Variants in MTREX observed in about 807,000 individuals in gnomAD.
The protein encoded by MTREX is exosome RNA helicase MTR4.
In MTREX, 76 loss-of-function variants were observed where a neutral mutation model predicts 135.4. The observed-to-expected ratio is 0.56, with a 90% CI of 0.47 to 0.68. The LOEUF (loss-of-function observed/expected upper bound fraction) is 0.68, where lower values mean the gene tolerates loss of function less well. Ranked by LOEUF, MTREX falls within the 30% of genes least tolerant of loss-of-function variation. The probability of loss-of-function intolerance (pLI) is 0.00; values close to 1 mark genes in which losing one functional copy is unlikely to be tolerated. For synonymous variants in MTREX, 404 were observed against 401.6 expected, an observed-to-expected ratio of 1.01 and a Z score of -0.07; for missense variants, 920 against 1,262.1, an observed-to-expected ratio of 0.73 and a Z score of 4.11.
At chr5:55,389,893 A>G (rs575301575) in intron 19 of MTREX, among the ~76,000 whole-genome samples, 1 of 152,226 alleles carries the variant, frequency 6.6e-6, no homozygotes, top group South Asian at 2.1e-4. Flanking sequence ...TTGAATAGAA[A>G]TCCTAGACAG....
At chr5:55,337,947 C>G (rs151164981) in intron 5 of MTREX, among the ~76,000 whole-genome samples, 9 of 152,128 alleles carry the variant, frequency 5.9e-5, no homozygotes, top group African/African-American at 1.2e-4. Context: ...TTAACTAAAT[C>G]ACAGTCACAA....
At chr5:55,370,443 T>TA (rs1750177460) in intron 16 of MTREX, among the ~76,000 whole-genome samples, 1 of 152,362 alleles carries the variant, frequency 6.6e-6, no homozygotes, top group Non-Finnish European at 1.5e-5. Flanking sequence ...GGTTCTGACT[T>TA]ACCTTTTAAA....
intron 16 of MTREX, among the ~76,000 whole-genome samples, chr5:55,369,311 T>A (rs1487689792): frequency 6.6e-6 from 1 of 152,118 alleles, no homozygotes; most frequent in Non-Finnish European, 1.5e-5. Context: ...AAAAGGAAAT[T>A]AAAGTATTCC....
At chr5:55,356,609 A>G (rs951213544) in intron 14 of MTREX, 5 of 181,130 alleles carry the variant, frequency 2.8e-5, no homozygotes, top group South Asian at 1.2e-4. Flanking sequence ...GGTTGGACAT[A>G]CTGGGTAGCC....
chr5:55,311,428 A>G (rs1300823217), intron 1 of MTREX, among the ~76,000 whole-genome samples: 2 of 152,150 alleles, frequency 1.3e-5, no homozygotes, highest in Non-Finnish European at 2.9e-5. Context: ...TCCCTTAAGT[A>G]TTTTATGCTA....
chr5:55,374,207 A>G (rs963136836), intron 16 of MTREX, among the ~76,000 whole-genome samples: 1 of 151,766 alleles, frequency 6.6e-6, no homozygotes, highest in Non-Finnish European at 1.5e-5. Flanking sequence ...CAGTGAGCCA[A>G]GATTGTGCCA....
At chr5:55,385,370 G>A (rs537822926) in intron 18 of MTREX, among the ~76,000 whole-genome samples, 3 of 152,296 alleles carry the variant, frequency 2.0e-5, no homozygotes, top group East Asian at 1.9e-4. Context: ...CTAGGTGAAC[G>A]AAGGGGAGCC....
At chr5:55,326,682 A>G (rs2112037411) in intron 3 of MTREX, among the ~76,000 whole-genome samples, 1 of 152,200 alleles carries the variant, frequency 6.6e-6, no homozygotes, top group African/African-American at 2.4e-5. Context: ...TCCTATCTCC[A>G]CAAAGACTTT....
intron 1 of MTREX, among the ~76,000 whole-genome samples, chr5:55,316,633 C>A (rs1749202659): frequency 6.6e-6 from 1 of 152,128 alleles, no homozygotes; most frequent in Non-Finnish European, 1.5e-5. Context: ...AGGAACACAC[C>A]TCAATATAAT....
At chr5:55,366,587 G>T (rs765824670) in intron 15 of MTREX, 138 bp from the exon 16 acceptor site, 5 of 553,652 alleles carry the variant, frequency 9.0e-6, no homozygotes, top group East Asian at 6.9e-5. Flanking sequence ...ATTTTATATT[G>T]GTTAACTAAA....
chr5:55,391,763 A>G (rs1051018125), intron 19 of MTREX, among the ~76,000 whole-genome samples: 1 of 152,090 alleles, frequency 6.6e-6, no homozygotes, highest in Non-Finnish European at 1.5e-5. Context: ...CTTTAAATCC[A>G]CCTATAACCT....
chr5:55,314,946 T>C (rs1309286148), intron 1 of MTREX, among the ~76,000 whole-genome samples: 1 of 152,218 alleles, frequency 6.6e-6, no homozygotes, highest in Non-Finnish European at 1.5e-5. Context: ...GAGGCAGAGC[T>C]CAGGTGATAA....
intron 1 of MTREX, among the ~76,000 whole-genome samples, chr5:55,311,194 A>G (rs1210450230): frequency 3.9e-5 from 6 of 152,224 alleles, no homozygotes; most frequent in Admixed American, 3.3e-4. Context: ...ATATCAAGTC[A>G]TGATCAGTCT....
intron 15 of MTREX, among the ~76,000 whole-genome samples, chr5:55,363,416 A>G (rs1204409962): frequency 6.6e-6 from 1 of 152,148 alleles, no homozygotes; most frequent in Admixed American, 6.5e-5. Flanking sequence ...GGCTCTCTCA[A>G]TCTTAGTATC....
At chr5:55,352,489 G>A (rs1276208431) in intron 13 of MTREX, among the ~76,000 whole-genome samples, 3 of 152,008 alleles carry the variant, frequency 2.0e-5, no homozygotes, top group Admixed American at 2.0e-4. Flanking sequence ...TCACTTGCCA[G>A]AAATATCTAC....
At chr5:55,372,499 A>G (rs763516123) in intron 16 of MTREX, among the ~76,000 whole-genome samples, 5 of 151,530 alleles carry the variant, frequency 3.3e-5, no homozygotes, top group African/African-American at 4.9e-5. Context: ...ATCAGTCCCT[A>G]GGAAAGCTTT....
chr5:55,400,252 C>T lies in MTREX; in HGVS notation c.2312C>T (p.Pro771Leu). The stretch of plus-strand genomic sequence containing the variant: ...TTTCAGGAAGTTCAGAAACGTTTTC[C>T]TGACGGCATCCCCTTATTAGACCCT... ...KSIQEVQKRF[P>L]DGIPLLDPID... The change falls in exon 21 of 27, where the codon CCT becomes CTT. Residue 771 changes from proline (P) to leucine (L), a missense_variant. By Grantham distance (98) the Pro-to-Leu change is moderately conservative. Coordinates refer to ENST00000230640, the MANE Select transcript of MTREX (RefSeq NM_015360.5). 1.3e-6 allele frequency: 2 copies of T among 1,562,928 alleles called. No homozygotes were observed. Among genetic ancestry groups the T allele is most frequent in the East Asian group, 2.3e-5 (1 of 44,206 alleles).
chr5:55,355,696 C>T (rs1749900773), intron 14 of MTREX, among the ~76,000 whole-genome samples: 2 of 152,116 alleles, frequency 1.3e-5, no homozygotes. Flanking sequence ...GTGGGGGCAC[C>T]ATGGAGAAAG....
Position 55,388,022 on chromosome 5 carries a change from C to T in MTREX, c.2101C>T (p.Arg701Cys), listed in dbSNP as rs138571526. 138 of 1,607,626 alleles carry T rather than the reference C, an allele frequency of 8.6e-5. No individual in the cohort carries two copies. The African/African-American group carries it at 1.1e-3, about 13-fold the overall frequency. ...DPLYVVEVLL[R>C]CSKESLKNSA... ...TTTGTATGTAGTAGAAGTACTTCTG[C>T]GCTGTAGCAAAGAGAGCTTGAAAAA... The change falls in exon 19 of 27, where the codon CGC (arginine) becomes TGC (cysteine). Residue 701 changes from arginine (R) to cysteine (C), a missense_variant. Physicochemically the swap from Arg to Cys is radical, Grantham distance 180 (BLOSUM62 -3). Transcript: ENST00000230640.
Sources: allele counts gnomAD v4.1 joint callset (sites outside exome capture counted in the v4.1 genomes callset), GRCh38; gene constraint gnomAD v4.1.1; transcripts MANE v1.5; gene names NCBI Gene and HGNC (gene_info 2026-07-23, HGNC 2026-07-21).